The following MACROD2 variants were observed in gnomAD, a reference collection of about 807,000 sequenced individuals.
MACROD2 encodes the protein mono-ADP ribosylhydrolase 2, also known as ADP-ribose glycohydrolase MACROD2.
A neutral mutation model predicts 70.4 loss-of-function variants in MACROD2; 36 were observed. The ratio of observed to expected loss-of-function variants is 0.51; its 90% confidence interval spans 0.39 to 0.68. The LOEUF is 0.68. MACROD2 is among the 30% of genes least tolerant of loss of function. MACROD2 has a pLI of 0.00. For synonymous variants in MACROD2, 172 were observed against 178.8 expected, an observed-to-expected ratio of 0.96 and a Z score of 0.30; for missense variants, 496 against 538.4, an observed-to-expected ratio of 0.92 and a Z score of 0.78.
chr20:14,551,222 A>G (rs946898864), intron 4 of MACROD2, among the ~76,000 whole-genome samples: 21 of 152,296 alleles, frequency 1.4e-4, no homozygotes, highest in Admixed American at 6.5e-4. Flanking sequence ...TGGATCCAAA[A>G]TGTAATGGAA....
At chr20:14,885,349 G>T (rs1170772503) in intron 5 of MACROD2, among the ~76,000 whole-genome samples, 1 of 151,760 alleles carries the variant, frequency 6.6e-6, no homozygotes, top group Non-Finnish European at 1.5e-5. Flanking sequence ...AGATATTATT[G>T]TATCATATAC....
intron 3 of MACROD2, among the ~76,000 whole-genome samples, chr20:14,420,330 C>A (rs1046274094): frequency 5.3e-5 from 8 of 152,082 alleles, no homozygotes; most frequent in African/African-American, 1.2e-4. Flanking sequence ...ACATTCCCAC[C>A]AGCATAGCAC....
At chr20:15,227,749 C>A (rs188394333) in intron 5 of MACROD2, among the ~76,000 whole-genome samples, 215 of 147,552 alleles carry the variant, frequency 1.5e-3, no homozygotes, top group Middle Eastern at 7.2e-3. Flanking sequence ...CCTGGAGACG[C>A]ACAACTCCTT....
intron 4 of MACROD2, among the ~76,000 whole-genome samples, chr20:14,673,047 A>G (rs1263298057): frequency 2.0e-5 from 3 of 152,158 alleles, no homozygotes; most frequent in South Asian, 4.1e-4. Flanking sequence ...CATGATTCCC[A>G]TGTATAGCGT....
chr20:14,977,462 TACAC>T (rs3045702), intron 5 of MACROD2, among the ~76,000 whole-genome samples: 2,630 of 135,062 alleles, frequency 0.019, 41 homozygotes, highest in East Asian at 0.065. Flanking sequence ...AAGAAAAAGA[TACAC>T]ACACACACAC....
intron 8 of MACROD2, among the ~76,000 whole-genome samples, chr20:15,758,635 G>C (rs1483094850): frequency 1.3e-5 from 2 of 151,256 alleles, no homozygotes; most frequent in African/African-American, 2.4e-5. Context: ...AAACTCCTTG[G>C]CTCAAGCGAT....
chr20:15,426,815 A>G (rs952099859), intron 6 of MACROD2, among the ~76,000 whole-genome samples: 1 of 152,128 alleles, frequency 6.6e-6, no homozygotes, highest in Non-Finnish European at 1.5e-5. Flanking sequence ...GGTACAATTT[A>G]TCATTCCTCC....
chr20:14,052,023 A>G (rs1486685185), intron 2 of MACROD2: 2 of 455,694 alleles, frequency 4.4e-6, no homozygotes, highest in African/African-American at 2.0e-5. Flanking sequence ...TCTTACAGGT[A>G]TTCTTCTTAC....
At chr20:14,277,494 T>TA (rs897492029) in intron 3 of MACROD2, among the ~76,000 whole-genome samples, 2 of 152,174 alleles carry the variant, frequency 1.3e-5, no homozygotes, top group African/African-American at 4.8e-5. Context: ...TCCAAAAAGC[T>TA]AGTTTACTTG....
chr20:14,402,476 A>C (rs2122840228), intron 3 of MACROD2, among the ~76,000 whole-genome samples: 1 of 152,206 alleles, frequency 6.6e-6, no homozygotes, highest in Middle Eastern at 3.4e-3. Flanking sequence ...ACTGAAAAGG[A>C]AGGTTCACAT....
intron 5 of MACROD2, among the ~76,000 whole-genome samples, chr20:15,029,190 C>T (rs1243876491): frequency 6.6e-6 from 1 of 152,172 alleles, no homozygotes; most frequent in Non-Finnish European, 1.5e-5. Flanking sequence ...CGCCTCCTCT[C>T]CCACTTTTTT....
chr20:15,565,354 A>C (rs529482187), intron 8 of MACROD2, among the ~76,000 whole-genome samples: 1 of 152,370 alleles, frequency 6.6e-6, no homozygotes, highest in South Asian at 2.1e-4. Context: ...ACATGGCTGT[A>C]ACCATAAATG....
At chr20:15,523,527 A>G (rs1245718143) in intron 8 of MACROD2, among the ~76,000 whole-genome samples, 1 of 152,134 alleles carries the variant, frequency 6.6e-6, no homozygotes, top group Non-Finnish European at 1.5e-5. Context: ...TCTGTGCACC[A>G]GTAGGGAAAG....
intron 5 of MACROD2, among the ~76,000 whole-genome samples, chr20:15,061,078 G>T (rs2075528775): frequency 6.6e-6 from 1 of 152,182 alleles, no homozygotes; most frequent in Non-Finnish European, 1.5e-5. Context: ...GGGACAGAAT[G>T]ATTTTACAGC....
At chr20:15,746,340 A>T (rs1045858765) in intron 8 of MACROD2, among the ~76,000 whole-genome samples, 2 of 151,898 alleles carry the variant, frequency 1.3e-5, no homozygotes, top group Non-Finnish European at 2.9e-5. Flanking sequence ...TTGATTTTGT[A>T]CAAGTTTTGT....
chr20:15,126,628 A>G lies in MACROD2; in HGVS notation c.419-103312A>G, dbSNP rs144867319. ...AAAGTCTACTTGTCTGTAAATTCAG[A>G]GGCTATTATTGTTCATTAAGAGTCT... On this transcript the variant is annotated intron_variant, in intron 5 of 17. Coordinates refer to ENST00000684519, the MANE Select transcript of MACROD2 (RefSeq NM_001351661.2). Among the ~76,000 whole-genome samples, 12 of 152,228 alleles carry G rather than the reference A, an allele frequency of 7.9e-5. No homozygotes were observed. The East Asian group carries it at 2.3e-3, about 29-fold the overall frequency.
rs577823205 is a variant in MACROD2 at position 14,911,086 on chromosome 20, T to A, written c.418+226127T>A. Among the ~76,000 whole-genome samples the A allele has an allele frequency of 4.6e-5, 7 of 152,274 alleles. No individual in the cohort carries two copies. In the South Asian group the frequency reaches 1.5e-3, roughly 32 times the overall value. On this transcript the variant is annotated intron_variant, in intron 5 of 17. Transcript: ENST00000684519. Reference sequence around the variant, plus strand: ...TGAAGAGGGCCATTTGATTCTCAGTTCTAATCACTATGAGTATGCTTCACA... The same window carrying A: ...TGAAGAGGGCCATTTGATTCTCAGTACTAATCACTATGAGTATGCTTCACA...
chr20:14,187,567 A>G (rs1313171553), intron 3 of MACROD2, among the ~76,000 whole-genome samples: 1 of 152,230 alleles, frequency 6.6e-6, no homozygotes, highest in East Asian at 1.9e-4. Flanking sequence ...CAAAGGACAT[A>G]TAACTGGTTT....
intron 10 of MACROD2, among the ~76,000 whole-genome samples, chr20:15,892,179 G>C (rs1051935148): frequency 6.6e-6 from 1 of 152,096 alleles, no homozygotes; most frequent in African/African-American, 2.4e-5. Context: ...GGATCTAGAG[G>C]GGCAAACAGA....
Sources: gnomAD v4.1 joint callset for allele counts (sites outside exome capture counted in the v4.1 genomes callset) on GRCh38, gnomAD v4.1.1 for gene constraint, MANE v1.5 for transcripts, NCBI Gene and HGNC (gene_info 2026-07-23, HGNC 2026-07-21) for gene names.